Variants in ELN observed in about 807,000 individuals in gnomAD.
The protein encoded by ELN is elastin, also known as tropoelastin.
ELN carries 65 observed loss-of-function variants against 105.8 expected under a neutral mutation model. The ratio of observed to expected loss-of-function variants is 0.61; its 90% CI spans 0.50 to 0.75. The LOEUF (loss-of-function observed/expected upper bound fraction) is 0.75. ELN is among the 30% of genes least tolerant of loss of function. ELN has a pLI of 0.00. For synonymous variants in ELN, 368 were observed against 389.2 expected (o/e 0.95, Z 0.64); for missense variants, 882 against 969.4 (o/e 0.91, Z 1.20).
chr7:74,059,719 A>G (rs567557273), intron 22 of ELN, 167 bp from the exon 23 acceptor site: 8 of 740,434 alleles, frequency 1.1e-5, no homozygotes, highest in Middle Eastern at 2.9e-4. Context: ...GAGCCTGCAC[A>G]CACTTCATAT....
chr7:74,053,708 ATGGATGGG>A (rs1433757805), intron 18 of ELN, among the ~76,000 whole-genome samples: 1 of 143,090 alleles, frequency 7.0e-6, no homozygotes, highest in Non-Finnish European at 1.5e-5. Flanking sequence ...GGGTGGATGG[ATGGATGGG>A]TGGATGGGTG....
intron 18 of ELN, among the ~76,000 whole-genome samples, chr7:74,053,842 G>T (rs1160061018): frequency 6.6e-6 from 1 of 151,954 alleles, no homozygotes; most frequent in Non-Finnish European, 1.5e-5. Flanking sequence ...GTGGATGGGT[G>T]TGGGATGGAT....
chr7:74,048,612 C>T (rs957600384), intron 15 of ELN, 56 bp downstream of exon 15: 13 of 1,606,768 alleles, frequency 8.1e-6, no homozygotes, highest in Non-Finnish European at 1.1e-5. Context: ...CCTCTCCATT[C>T]CCATTACTAT....
At chr7:74,054,499 G>A (rs1554678333) in intron 18 of ELN, among the ~76,000 whole-genome samples, 1 of 151,914 alleles carries the variant, frequency 6.6e-6, no homozygotes, top group African/African-American at 2.4e-5. Context: ...AAATGGACAG[G>A]TATAGAGGTG....
intron 29 of ELN, among the ~76,000 whole-genome samples, chr7:74,065,003 G>A (rs1797624432): frequency 6.6e-6 from 1 of 152,156 alleles, no homozygotes; most frequent in Non-Finnish European, 1.5e-5. Flanking sequence ...CACTTTGGGA[G>A]GCTTAGGTAG....
At chr7:74,037,784 G>T in intron 4 of ELN, 45 bp downstream of exon 4, 1 of 1,601,592 alleles carries the variant, frequency 6.2e-7, no homozygotes. Flanking sequence ...CGAGGGAGCT[G>T]GGGAGGGAGG....
At chr7:74,048,656 C>A (rs374400709) in intron 15 of ELN, 100 bp downstream of exon 15, 1 of 1,426,994 alleles carries the variant, frequency 7.0e-7, no homozygotes, top group African/African-American at 1.4e-5. Flanking sequence ...CCCTACATAC[C>A]CCCATTTACT....
At chr7:74,045,405 A>T (rs1267495908) in intron 10 of ELN, 112 bp downstream of exon 10, 30 of 1,246,716 alleles carry the variant, frequency 2.4e-5, no homozygotes, top group Non-Finnish European at 3.1e-5. Context: ...TCTGGGTGAC[A>T]CTTTTTATGT....
intron 32 of ELN, among the ~76,000 whole-genome samples, chr7:74,068,030 T>C (rs552650014): frequency 1.4e-5 from 2 of 146,288 alleles, no homozygotes; most frequent in East Asian, 2.2e-4. Flanking sequence ...TAAGGAGCCA[T>C]ATCTGGCTCA....
In ELN at chr7:74,063,671, G is replaced by T. The variant is rs1554686906; in HGVS notation, c.1969G>T (p.Val657Phe). The change falls in exon 29 of 33, where the codon GTT becomes TTT. Residue 657 changes from valine (V) to phenylalanine (F), a missense_variant. Transcript: ENST00000252034. This position sits in a 1 kb window ranked among gnomAD's most constrained non-coding sequence, Gnocchi z 4.1. The stretch of plus-strand genomic sequence containing the variant: ...AGGACTCGGAGTCGGAGGGCTTGGA[G>T]TTCCAGGTGTTGGGGGCCTTGGAGG... Reference protein sequence around the residue: ...LGGLGVGGLGVPGVGGLGGIP... With the variant: ...LGGLGVGGLGFPGVGGLGGIP... The T allele has an allele frequency of 6.2e-7, 1 of 1,614,244 alleles. No homozygotes were observed. The highest frequency in any genetic ancestry group is 8.5e-7 in the Non-Finnish European group (1 of 1,180,038).
rs781998810 is a variant in ELN, at chr7:74,043,910, C to T, written c.459C>T (p.Gly153=). 8 of 1,613,986 alleles carry T rather than the reference C, an allele frequency of 5.0e-6. No individual in the cohort carries two copies. The highest frequency in any genetic ancestry group is 3.3e-5 in the South Asian group (3 of 91,060). Residue 153 remains glycine, a synonymous_variant, in exon 9 of 33, where the codon GGC becomes GGT. Transcript: ENST00000252034. The part of the protein sequence containing the change: ...GVGLPGVYPG[G]VLPGARFPGV... ...GGCTGCCAGGTGTATACCCAGGTGG[C>T]GTGCTCCCAGGTGAGAGCAAGGAGG... is the stretch of plus-strand genomic sequence containing the variant.
intron 1 of ELN, among the ~76,000 whole-genome samples, chr7:74,030,768 A>G (rs1554661774): frequency 2.0e-5 from 3 of 151,968 alleles, no homozygotes; most frequent in Non-Finnish European, 4.4e-5. Flanking sequence ...TATCTATTAG[A>G]CTTCCCACCC....
In ELN at chr7:74,059,909, G is replaced by C; in HGVS notation, c.1438G>C (p.Ala480Pro). The change falls in exon 23 of 33, where the codon GCT becomes CCT. Residue 480 changes from alanine (A) to proline (P), a missense_variant. By Grantham distance (27) the Ala-to-Pro change is conservative. Transcript: ENST00000252034. ...QFGLVPGVGV[A>P]PGVGVAPGVG... ...AGGGTTAGTTCCTGGTGTCGGCGTG[G>C]CTCCTGGAGTTGGCGTGGCTCCTGG... 1 of 1,477,402 alleles carries C rather than the reference G, an allele frequency of 6.8e-7. No homozygotes were observed. The highest frequency in any genetic ancestry group is 2.3e-5 in the East Asian group (1 of 44,196). 91.5% of individuals were successfully genotyped at this position (1,477,402 alleles called of 1,614,324 possible). A position where few individuals can be genotyped will look rare whatever the true frequency, so the allele number is the denominator to read the frequency against.
rs782187501 is a variant in ELN, at chr7:74,063,498, C to T, written c.1919-123C>T. On this transcript the variant is annotated intron_variant, in intron 28 of 32. Coordinates refer to ENST00000252034, the MANE Select transcript of ELN (RefSeq NM_000501.4). This position sits in a 1 kb window ranked among gnomAD's most constrained non-coding sequence, Gnocchi z 4.1. Reference sequence around the variant, plus strand: ...ACACCTCCTGGCTCCACTGTGCCATCGAAGGCCAGGGGAGACCTCAGGCTC... The same window carrying T: ...ACACCTCCTGGCTCCACTGTGCCATTGAAGGCCAGGGGAGACCTCAGGCTC... 3.1e-6 allele frequency: 5 copies of T among 1,607,576 alleles called. No homozygotes were observed. The highest frequency in any genetic ancestry group is 4.5e-5 in the East Asian group (2 of 44,768).
intron 31 of ELN, 133 bp from the exon 32 acceptor site, chr7:74,066,599 T>G: frequency 1.7e-6 from 1 of 602,888 alleles, no homozygotes; most frequent in Non-Finnish European, 2.8e-6. Flanking sequence ...ATATAAAAAA[T>G]TATATAGTGG....
chr7:74,053,015 C>G lies in ELN; in HGVS notation c.950-148C>G, dbSNP rs1191767424. 13 of 1,169,090 alleles carry G rather than the reference C, an allele frequency of 1.1e-5. No homozygotes were observed. The African/African-American group carries it at 1.8e-4, about 16-fold the overall frequency. The allele number at this position is 1,169,090 out of a possible 1,614,324, so 72.4% of individuals were successfully genotyped here. ...ACCCTCTTAGTCTCTCCACATCTCT[C>G]TGATGAGTAGGATCCATGCAGAGGA... On this transcript the variant is annotated intron_variant, in intron 17 of 32. Transcript: ENST00000252034.
intron 25 of ELN, 23 bp from the exon 26 acceptor site, chr7:74,061,078 C>T: frequency 6.2e-7 from 1 of 1,614,090 alleles, no homozygotes; most frequent in Middle Eastern, 1.6e-4. Flanking sequence ...CCTGACCACT[C>T]CCCAACTTTT....
intron 29 of ELN, among the ~76,000 whole-genome samples, chr7:74,064,232 A>ATG (rs1563874189): frequency 4.0e-5 from 6 of 150,612 alleles, no homozygotes; most frequent in Non-Finnish European, 8.8e-5. Flanking sequence ...TGGCTAACAC[A>ATG]GTGAAACCCC....
chr7:74,066,873 GCACC>G, intron 32 of ELN, 97 bp downstream of exon 32: 1 of 1,364,596 alleles, frequency 7.3e-7, no homozygotes, highest in Non-Finnish European at 1.0e-6. Context: ...GGCTGAGCCA[GCACC>G]CAGGGGTGGA....
Sources: allele counts gnomAD v4.1 joint callset (sites outside exome capture counted in the v4.1 genomes callset), GRCh38; gene constraint gnomAD v4.1.1; non-coding constraint Gnocchi (gnomAD v3.1); transcripts MANE v1.5; gene names NCBI Gene and HGNC (gene_info 2026-07-23, HGNC 2026-07-21).